SLC39A11: variants seen among roughly 807,000 people sequenced by gnomAD.
SLC39A11 encodes zinc transporter ZIP11.
Under a neutral mutation model 36.1 loss-of-function variants are expected in SLC39A11, and 33 were observed. That is an observed-to-expected ratio of 0.91 (90% CI 0.69 to 1.22). The LOEUF is 1.22. SLC39A11 is among the 50% of genes most tolerant of loss of function. The pLI is 0.00. For missense variants in SLC39A11, 432 were observed against 430.3 expected (o/e 1.00, Z -0.03); for synonymous variants, 166 against 170.3 (o/e 0.97, Z 0.20).
intron 4 of SLC39A11, among the ~76,000 whole-genome samples, chr17:72,969,502 C>A (rs1176891895): frequency 6.6e-6 from 1 of 152,156 alleles, no homozygotes; most frequent in Admixed American, 6.6e-5. Context: ...GGACACCAAC[C>A]AGGAACCTTG....
At chr17:72,922,320 A>T (rs2083716594) in intron 5 of SLC39A11, among the ~76,000 whole-genome samples, 1 of 152,204 alleles carries the variant, frequency 6.6e-6, no homozygotes, top group South Asian at 2.1e-4. Context: ...GCTCCCTCTC[A>T]CTTCAATAAA....
intron 5 of SLC39A11, among the ~76,000 whole-genome samples, chr17:72,941,399 G>C (rs572820831): frequency 1.5e-4 from 23 of 152,290 alleles, no homozygotes; most frequent in African/African-American, 5.3e-4. Flanking sequence ...CTCCAGAACT[G>C]TGAAAAAAAT....
At chr17:72,894,499 TAAAA>T (rs35812666) in intron 5 of SLC39A11, among the ~76,000 whole-genome samples, 3 of 110,526 alleles carry the variant, frequency 2.7e-5, no homozygotes, top group African/African-American at 3.4e-5. Context: ...TCATCCCTAC[TAAAA>T]AAAAAAAAAA....
chr17:73,072,803 G>A (rs8065544), intron 3 of SLC39A11, among the ~76,000 whole-genome samples: 62,443 of 152,018 alleles, frequency 0.41, 13,376 homozygotes, highest in Non-Finnish European at 0.47. Flanking sequence ...TCTCCTGTCC[G>A]TGCCTCATGT....
At chr17:72,858,312 T>C (rs1023036622) in intron 5 of SLC39A11, among the ~76,000 whole-genome samples, 5 of 152,210 alleles carry the variant, frequency 3.3e-5, no homozygotes, top group African/African-American at 1.2e-4. Flanking sequence ...ATATGGGTTT[T>C]CTATTCTGTT....
intron 6 of SLC39A11, among the ~76,000 whole-genome samples, chr17:72,751,669 C>A (rs1568030656): frequency 6.6e-6 from 1 of 152,160 alleles, no homozygotes; most frequent in Non-Finnish European, 1.5e-5. Flanking sequence ...TCTTCGCCTC[C>A]TGGATTCAAG....
chr17:72,723,201 C>T (rs546196653), intron 7 of SLC39A11, among the ~76,000 whole-genome samples: 6 of 152,156 alleles, frequency 3.9e-5, no homozygotes, highest in African/African-American at 1.4e-4. Context: ...TTGTCAGGTG[C>T]TTGTCAGGTG....
At chr17:73,077,891 T>C (rs1257740816) in intron 3 of SLC39A11, among the ~76,000 whole-genome samples, 1 of 152,194 alleles carries the variant, frequency 6.6e-6, no homozygotes, top group Non-Finnish European at 1.5e-5. Context: ...TTTCCTTTCT[T>C]GTTTTATTTT....
intron 5 of SLC39A11, among the ~76,000 whole-genome samples, chr17:72,911,435 A>G (rs1380783094): frequency 3.3e-5 from 5 of 151,872 alleles, no homozygotes; most frequent in African/African-American, 9.7e-5. Flanking sequence ...AAAAAACTTT[A>G]CACAAAAACG....
At chr17:72,741,227 A>T (rs540465516) in intron 6 of SLC39A11, among the ~76,000 whole-genome samples, 207 of 152,042 alleles carry the variant, frequency 1.4e-3, no homozygotes, top group African/African-American at 4.4e-3. Context: ...TTTAATTTTT[A>T]AAAAAGTTTT....
chr17:72,846,356 T>C (rs941487297), intron 6 of SLC39A11, among the ~76,000 whole-genome samples: 4 of 151,968 alleles, frequency 2.6e-5, no homozygotes, highest in African/African-American at 9.7e-5. Flanking sequence ...AAAATACTTT[T>C]GCATCACCAT....
chr17:73,046,096 G>A (rs569811714), intron 3 of SLC39A11, among the ~76,000 whole-genome samples: 16 of 152,244 alleles, frequency 1.1e-4, no homozygotes, highest in South Asian at 2.1e-4. Flanking sequence ...GATACAAAAC[G>A]CAAAGATCTA....
At chr17:72,653,478 C>T (rs1598227537) in intron 7 of SLC39A11, among the ~76,000 whole-genome samples, 1 of 150,878 alleles carries the variant, frequency 6.6e-6, no homozygotes, top group East Asian at 1.9e-4. Context: ...GCTCTGTCAC[C>T]CAGGCTGAAG....
At chr17:72,743,165 G>C (rs2074781498) in intron 6 of SLC39A11, among the ~76,000 whole-genome samples, 1 of 152,170 alleles carries the variant, frequency 6.6e-6, no homozygotes, top group South Asian at 2.1e-4. Flanking sequence ...AGCAGATGAA[G>C]AAAAGGGCCT....
intron 7 of SLC39A11, among the ~76,000 whole-genome samples, chr17:72,675,427 T>C (rs2071212530): frequency 6.6e-6 from 1 of 152,006 alleles, no homozygotes; most frequent in Admixed American, 6.5e-5. Flanking sequence ...TAAATTTCTG[T>C]TGTGTGTAAT....
intron 3 of SLC39A11, among the ~76,000 whole-genome samples, chr17:73,034,226 G>A (rs1048816435): frequency 1.3e-5 from 2 of 152,124 alleles, no homozygotes; most frequent in African/African-American, 2.4e-5. Context: ...AAAGGTGCCC[G>A]TTCTTCTTTG....
At chr17:72,763,954 G>T (rs974676762) in intron 6 of SLC39A11, among the ~76,000 whole-genome samples, 1 of 152,006 alleles carries the variant, frequency 6.6e-6, no homozygotes, top group African/African-American at 2.4e-5. Context: ...TACCTCCCAG[G>T]ATCTTTGCAT....
At chr17:72,711,020 C>A (rs2073086396) in intron 7 of SLC39A11, among the ~76,000 whole-genome samples, 1 of 152,206 alleles carries the variant, frequency 6.6e-6, no homozygotes, top group Non-Finnish European at 1.5e-5. Context: ...GCTCTTGCGA[C>A]AGAATTGCAC....
intron 5 of SLC39A11, among the ~76,000 whole-genome samples, chr17:72,938,073 A>G (rs1396438915): frequency 6.6e-6 from 1 of 152,092 alleles, no homozygotes; most frequent in Non-Finnish European, 1.5e-5. Flanking sequence ...TCACGTTGCA[A>G]CTCTGAAAAT....
Sources: allele counts gnomAD v4.1 joint callset (sites outside exome capture counted in the v4.1 genomes callset), GRCh38; gene constraint gnomAD v4.1.1; transcripts MANE v1.5; gene names NCBI Gene and HGNC (gene_info 2026-07-23, HGNC 2026-07-21).